The following MAP3K15 variants were observed in gnomAD, a reference collection of about 807,000 sequenced individuals.
MAP3K15 encodes MAPK/ERK kinase kinase 15.
A neutral mutation model predicts 99.5 loss-of-function variants in MAP3K15; 124 were observed. The ratio of observed to expected loss-of-function variants is 1.25; its 90% CI spans 1.08 to 1.45. The LOEUF is 1.45. MAP3K15 is among the 40% of genes most tolerant of loss of function. MAP3K15 has a pLI of 0.00. For synonymous variants in MAP3K15, 494 were observed against 439.6 expected, an observed-to-expected ratio of 1.12 and a Z score of -1.55; for missense variants, 1,242 against 1,079.7, an observed-to-expected ratio of 1.15 and a Z score of -2.11.
intron 1 of MAP3K15, chrX:19,497,527 A>G (rs1223980586): frequency 2.7e-5 from 3 of 112,011 alleles, no homozygotes; most frequent in Non-Finnish European, 3.8e-5. Flanking sequence ...GTGAGAGCCA[A>G]TGACAATCAT....
chrX:19,508,816 T>C (rs890460452), intron 1 of MAP3K15, among the ~76,000 whole-genome samples: 2 of 111,444 alleles, frequency 1.8e-5, no homozygotes, highest in African/African-American at 6.5e-5. Flanking sequence ...TGTGGGAGGT[T>C]GAGGCTGCAG....
chrX:19,392,483 G>A lies in MAP3K15; in HGVS notation c.2195-10C>T, dbSNP rs1218182725. 1.7e-6 allele frequency: 2 copies of A among 1,196,646 alleles called. No individual in the cohort carries two copies. The highest frequency in any genetic ancestry group is 2.4e-5 in the Admixed American group (1 of 42,139). On this transcript the variant is annotated splice_polypyrimidine_tract_variant and intron_variant, in intron 16 of 28. Coordinates refer to ENST00000338883, the MANE Select transcript of MAP3K15 (RefSeq NM_001001671.4). Reference sequence around the variant, plus strand: ...AGAGCAGAAAGGCTTCCTAGAGACAGTCACAGCAAAAAACTTATCAGGAAG... The same window carrying A: ...AGAGCAGAAAGGCTTCCTAGAGACAATCACAGCAAAAAACTTATCAGGAAG...
At chrX:19,460,507 C>T (rs2064124556) in intron 4 of MAP3K15, among the ~76,000 whole-genome samples, 2 of 111,630 alleles carry the variant, frequency 1.8e-5, no homozygotes, top group South Asian at 7.4e-4. Flanking sequence ...ATTTTCGCCA[C>T]TAGTAACAAA....
chrX:19,417,666 T>C (rs986163903), intron 9 of MAP3K15, among the ~76,000 whole-genome samples: 2 of 111,673 alleles, frequency 1.8e-5, no homozygotes, highest in Non-Finnish European at 3.8e-5. Context: ...GACTTAAATG[T>C]CCCGGTCTGA....
chrX:19,451,912 C>T (rs1022749190), intron 6 of MAP3K15, among the ~76,000 whole-genome samples: 3 of 107,755 alleles, frequency 2.8e-5, no homozygotes, highest in Admixed American at 1.0e-4. Flanking sequence ...AAAAAACATT[C>T]GCCAGGTGTG....
chrX:19,378,051 T>C (rs1220062705), intron 19 of MAP3K15, among the ~76,000 whole-genome samples: 1 of 112,227 alleles, frequency 8.9e-6, no homozygotes, highest in Non-Finnish European at 1.9e-5. Context: ...CATGCTGCCC[T>C]CACCTCAACC....
rs1301060468 is a variant in MAP3K15, at chrX:19,384,759, A to AC, written c.2432-4483_2432-4482insG. Among the ~76,000 whole-genome samples the AC allele has an allele frequency of 2.5e-4, 25 of 100,601 alleles. 1 individual carries two copies. The highest frequency in any genetic ancestry group is 4.3e-4 in the Admixed American group (4 of 9,300). 87.4% of individuals were successfully genotyped at this position (100,601 alleles called of 115,157 possible). A position where few individuals can be genotyped will look rare whatever the true frequency, so the allele number is the denominator to read the frequency against. ...GACCTTGTCTCAGGGGAAAAAAAAAAAAAAAAAAAAAAAAAAAAAAACTGT... is the reference window on the plus strand; with the variant it reads ...GACCTTGTCTCAGGGGAAAAAAAAAACAAAAAAAAAAAAAAAAAAAAACTGT... On this transcript the variant is annotated intron_variant, in intron 18 of 28. Coordinates refer to ENST00000338883, the MANE Select transcript of MAP3K15 (RefSeq NM_001001671.4).
At chrX:19,490,461 G>T (rs1217295814) in intron 1 of MAP3K15, among the ~76,000 whole-genome samples, 1 of 110,794 alleles carries the variant, frequency 9.0e-6, no homozygotes, top group Admixed American at 9.7e-5. Flanking sequence ...CATATAACGT[G>T]CCCTGGCTGG....
chrX:19,505,427 T>G (rs1964544889), intron 1 of MAP3K15, among the ~76,000 whole-genome samples: 1 of 112,185 alleles, frequency 8.9e-6, no homozygotes, highest in Non-Finnish European at 1.9e-5. Context: ...AAATAAAAGC[T>G]TCTCTCTTGC....
chrX:19,508,359 C>A (rs1400050800), intron 1 of MAP3K15, among the ~76,000 whole-genome samples: 1 of 105,570 alleles, frequency 9.5e-6, no homozygotes, highest in East Asian at 3.1e-4. Context: ...TTTAGTAGAA[C>A]CAGGGTTTCG....
chrX:19,380,889 G>A, intron 18 of MAP3K15, among the ~76,000 whole-genome samples: 1 of 112,351 alleles, frequency 8.9e-6, no homozygotes. Context: ...GTGGAGAGAG[G>A]ACTGCCTGGC....
chrX:19,382,095 A>G (rs756483891), intron 18 of MAP3K15, among the ~76,000 whole-genome samples: 2 of 110,591 alleles, frequency 1.8e-5, no homozygotes, highest in East Asian at 5.7e-4. Flanking sequence ...AAATATAAAA[A>G]TGCAAAAATT....
At chrX:19,471,300 T>C (rs535968152) in intron 3 of MAP3K15, among the ~76,000 whole-genome samples, 1 of 110,591 alleles carries the variant, frequency 9.0e-6, no homozygotes, top group South Asian at 3.9e-4. Context: ...GTTTCACTCT[T>C]GTTGCCCAGG....
chrX:19,372,572 A>C lies in MAP3K15; in HGVS notation c.3108+81T>G. On this transcript the variant is annotated intron_variant, in intron 22 of 28. Transcript: ENST00000338883. The stretch of plus-strand genomic sequence containing the variant: ...AGATGTTCCAGGGCGGCAGGAACTG[A>C]GGTCCTGATTGGACCTGTCTGGGGA... The C allele has an allele frequency of 3.2e-6, 3 of 950,177 alleles. No individual in the cohort carries two copies. In the Admixed American group the frequency reaches 9.0e-5, roughly 28 times the overall value. The allele number at this position is 950,177 out of a possible 1,213,427, so 78.3% of individuals were successfully genotyped here. A position where few individuals can be genotyped will look rare whatever the true frequency, so the allele number is the denominator to read the frequency against.
chrX:19,508,368 C>T (rs2064494084), intron 1 of MAP3K15, among the ~76,000 whole-genome samples: 3 of 111,198 alleles, frequency 2.7e-5, no homozygotes, highest in Non-Finnish European at 3.8e-5. Flanking sequence ...ACCAGGGTTT[C>T]GCCATGTTGG....
rs375929446 is a variant in MAP3K15, at chrX:19,381,740, G to T, written c.2432-1463C>A. On this transcript the variant is annotated intron_variant, in intron 18 of 28. Coordinates refer to ENST00000338883, the MANE Select transcript of MAP3K15 (RefSeq NM_001001671.4). The stretch of plus-strand genomic sequence containing the variant: ...ACAGCACACGGGGAGGTCAGTCAAG[G>T]GCTCTGCGAATAACATCCTTCGTTT... Among the ~76,000 whole-genome samples, 316 of 112,240 alleles carry T rather than the reference G, an allele frequency of 2.8e-3. 2 individuals carry two copies. Among genetic ancestry groups the T allele is most frequent in the African/African-American group, 9.7e-3 (301 of 30,895 alleles).
chrX:19,374,630 G>T lies in MAP3K15; in HGVS notation c.2620C>A (p.Pro874Thr), dbSNP rs1297589857. Residue 874 changes from proline (P) to threonine (T), a missense_variant, in exon 20 of 29, where the codon CCA becomes ACA. Transcript: ENST00000338883. Reference sequence around the variant, plus strand: ...CGGGCTTCAGCTGAAAGGGCTTCTGGAATCTCAGGGTGGATCTTAAACATG... The same window carrying T: ...CGGGCTTCAGCTGAAAGGGCTTCTGTAATCTCAGGGTGGATCTTAAACATG... ...VGMFKIHPEIPEALSAEARAF... is the reference protein window; with the variant it reads ...VGMFKIHPEITEALSAEARAF... 3 of 1,209,410 alleles carry T rather than the reference G, an allele frequency of 2.5e-6. No individual in the cohort carries two copies. Among genetic ancestry groups the T allele is most frequent in the Non-Finnish European group, 3.4e-6 (3 of 894,979 alleles).
At chrX:19,495,225 T>C (rs918961541) in intron 1 of MAP3K15, among the ~76,000 whole-genome samples, 1 of 112,256 alleles carries the variant, frequency 8.9e-6, no homozygotes, top group Non-Finnish European at 1.9e-5. Context: ...TTGGCCAGGC[T>C]GGTCTTCAGC....
intron 4 of MAP3K15, among the ~76,000 whole-genome samples, chrX:19,461,990 AAAACACACACACACACACACAC>A (rs1421910012): frequency 1.1e-5 from 1 of 90,087 alleles, no homozygotes; most frequent in Non-Finnish European, 2.1e-5. Context: ...GACTTGGTCT[AAAACACACACACACACACACAC>A]ACACACACAC....
Sources: gnomAD v4.1 joint callset for allele counts (sites outside exome capture counted in the v4.1 genomes callset) on GRCh38, gnomAD v4.1.1 for gene constraint, MANE v1.5 for transcripts, NCBI Gene and HGNC (gene_info 2026-07-23, HGNC 2026-07-21) for gene names.